NTRK3: variants seen among roughly 807,000 people sequenced by gnomAD.
NTRK3 encodes the protein neurotrophic receptor tyrosine kinase 3, also known as NT-3 growth factor receptor.
NTRK3 carries 24 observed loss-of-function variants against 91.7 expected under a neutral mutation model. The ratio of observed to expected loss-of-function variants is 0.26; its 90% CI spans 0.19 to 0.37. The LOEUF (loss-of-function observed/expected upper bound fraction) is 0.37, where lower values mean the gene tolerates loss of function less well. Among genes scored for constraint, NTRK3 ranks in the 10% least tolerant of loss-of-function variants. The pLI is 1.00. For missense variants in NTRK3, 880 were observed against 1,068.9 expected (o/e 0.82, Z 2.46); for synonymous variants, 483 against 404.0 (o/e 1.20, Z -2.34).
chr15:87,873,125 C>T (rs1318699125), exon 19 of NTRK3: 9 of 232,186 alleles, frequency 3.9e-5, no homozygotes, highest in Non-Finnish European at 6.8e-5. Flanking sequence ...CAGTATTTAG[C>T]ACCAAAATGA....
At chr15:87,928,882 C>T (rs1172747684) in intron 17 of NTRK3, 3 of 557,542 alleles carry the variant, frequency 5.4e-6, no homozygotes, top group African/African-American at 3.8e-5. Context: ...CATACATATA[C>T]ATGTATGAGT....
intron 3 of NTRK3, among the ~76,000 whole-genome samples, chr15:88,232,152 G>A (rs4887394): frequency 0.78 from 118,889 of 151,822 alleles, 48,320 homozygotes; most frequent in East Asian, 0.96. Context: ...GCTGTGTGCT[G>A]CACCTTCCGC....
chr15:88,199,877 C>A (rs78748660), intron 3 of NTRK3, among the ~76,000 whole-genome samples: 1 of 152,150 alleles, frequency 6.6e-6, no homozygotes, highest in Non-Finnish European at 1.5e-5. Flanking sequence ...TGGAGTTCAG[C>A]AGGACAGCCT....
intron 14 of NTRK3, among the ~76,000 whole-genome samples, chr15:88,017,549 A>T (rs2141847638): frequency 1.3e-5 from 2 of 152,338 alleles, no homozygotes; most frequent in South Asian, 4.1e-4. Context: ...CCTTAGCAAT[A>T]TTGAGGGGTT....
intron 17 of NTRK3, among the ~76,000 whole-genome samples, chr15:87,896,488 G>T (rs1215263359): frequency 6.9e-6 from 1 of 145,544 alleles, no homozygotes; most frequent in African/African-American, 2.6e-5. Context: ...AAAAAAAAAA[G>T]AAAGAAAGGA....
intron 14 of NTRK3, among the ~76,000 whole-genome samples, chr15:88,016,786 T>A (rs1219598747): frequency 6.6e-6 from 1 of 152,186 alleles, no homozygotes; most frequent in Non-Finnish European, 1.5e-5. Context: ...GTAATTTCTT[T>A]ATTAGAGGAG....
In NTRK3 at chr15:87,876,765, T is replaced by G. The variant is rs186914424; in HGVS notation, c.*170A>C. 9.6e-6 allele frequency: 6 copies of G among 627,562 alleles called. No individual in the cohort carries two copies. The East Asian group carries it at 1.8e-4, about 19-fold the overall frequency. The allele number at this position is 627,562 out of a possible 1,614,324, so 38.9% of individuals were successfully genotyped here. On this transcript the variant is annotated 3_prime_UTR_variant, in exon 19 of 19. Coordinates refer to ENST00000394480, the Ensembl canonical transcript of NTRK3. ...TGCCAAACTGCCTTACAGGGTTTTT[T>G]TTTCTTTCTTTTTTTTTCCTTTTTT...
At chr15:88,033,169 G>T (rs2078711397) in intron 13 of NTRK3, 124 bp from the exon 14 acceptor site, 2 of 387,364 alleles carry the variant, frequency 5.2e-6, no homozygotes, top group South Asian at 2.1e-5. Context: ...TACTTTTGGG[G>T]GGTGTGTTAT....
chr15:87,996,004 A>G (rs1372088962), intron 14 of NTRK3, among the ~76,000 whole-genome samples: 1 of 152,106 alleles, frequency 6.6e-6, no homozygotes, highest in African/African-American at 2.4e-5. Flanking sequence ...AGCACTTTGG[A>G]AGGCTGAGGC....
At chr15:88,250,102 C>T (rs1020146420) in intron 3 of NTRK3, among the ~76,000 whole-genome samples, 2 of 152,198 alleles carry the variant, frequency 1.3e-5, no homozygotes, top group African/African-American at 2.4e-5. Context: ...TAAGTATTCC[C>T]GCTTCCAAAT....
At chr15:88,181,437 G>A (rs1260439624) in intron 5 of NTRK3, among the ~76,000 whole-genome samples, 1 of 152,242 alleles carries the variant, frequency 6.6e-6, no homozygotes, top group African/African-American at 2.4e-5. Context: ...GCCACCTGCA[G>A]CCCAAGATGT....
chr15:87,900,308 C>T (rs1373035079), intron 17 of NTRK3, among the ~76,000 whole-genome samples: 2 of 152,102 alleles, frequency 1.3e-5, no homozygotes, highest in African/African-American at 4.8e-5. Context: ...TCTATTAACC[C>T]AGCCACACAG....
intron 14 of NTRK3, among the ~76,000 whole-genome samples, chr15:88,019,789 C>G (rs1057007208): frequency 2.0e-5 from 3 of 152,202 alleles, no homozygotes; most frequent in Non-Finnish European, 2.9e-5. Context: ...AGTCCTAATA[C>G]ACTTCATCAG....
At chr15:88,226,081 T>G (rs978834464) in intron 3 of NTRK3, among the ~76,000 whole-genome samples, 1 of 152,214 alleles carries the variant, frequency 6.6e-6, no homozygotes, top group Non-Finnish European at 1.5e-5. Context: ...CACTCTGTGA[T>G]GTCCCCACTG....
chr15:87,946,874 C>CTTTTTTTTTTTTT (rs560114979), intron 14 of NTRK3, among the ~76,000 whole-genome samples: 4 of 85,448 alleles, frequency 4.7e-5, no homozygotes, highest in African/African-American at 8.3e-5. Flanking sequence ...TTCGTGGGTT[C>CTTTTTTTTTTTTT]TTTTTTTTTT....
intron 14 of NTRK3, among the ~76,000 whole-genome samples, chr15:87,966,426 G>A (rs928627362): frequency 5.9e-5 from 9 of 152,184 alleles, no homozygotes; most frequent in African/African-American, 2.2e-4. Flanking sequence ...TGGTGCTAAG[G>A]AGTTGGCCCC....
chr15:88,087,071 T>C (rs953111736), intron 13 of NTRK3, among the ~76,000 whole-genome samples: 4 of 152,198 alleles, frequency 2.6e-5, no homozygotes, highest in Admixed American at 2.0e-4. Context: ...ACACACAACC[T>C]AAAATCATTT....
intron 13 of NTRK3, among the ~76,000 whole-genome samples, chr15:88,085,891 G>A (rs1053002193): frequency 1.3e-5 from 2 of 152,144 alleles, no homozygotes; most frequent in Non-Finnish European, 2.9e-5. Context: ...ACATGGCTAG[G>A]GCCTTGAGGA....
intron 13 of NTRK3, among the ~76,000 whole-genome samples, chr15:88,059,815 A>C (rs79991999): frequency 7.4e-4 from 113 of 152,340 alleles, no homozygotes; most frequent in African/African-American, 2.7e-3. Context: ...TAAGGGGATA[A>C]CTAGGTTAAA....
Sources: allele counts gnomAD v4.1 joint callset (sites outside exome capture counted in the v4.1 genomes callset), GRCh38; gene constraint gnomAD v4.1.1; transcripts MANE v1.5; gene names NCBI Gene and HGNC (gene_info 2026-07-23, HGNC 2026-07-21).